The following CUL4B variants were observed in gnomAD, a reference collection of about 807,000 sequenced individuals.
CUL4B encodes the protein cullin-4B.
A neutral mutation model predicts 69.2 loss-of-function variants in CUL4B; 1 was observed. The observed-to-expected ratio is 0.01, with a 90% CI of 0.01 to 0.07. The LOEUF is 0.07. Among genes scored for constraint, CUL4B ranks in the 10% least tolerant of loss-of-function variants. The pLI, the probability that CUL4B is intolerant of heterozygous loss-of-function variation, is 1.00. For synonymous variants in CUL4B, 237 were observed against 223.2 expected (o/e 1.06, Z -0.55); for missense variants, 328 against 638.8 (o/e 0.51, Z 5.24).
At chrX:120,561,086 T>A (rs1925273704), upstream of CUL4B, 1 of 1,005,607 alleles carries the variant, frequency 9.9e-7, no homozygotes, top group Admixed American at 4.7e-5. Flanking sequence ...AGGCTAAAGA[T>A]GGCGCCATTT....
At chrX:120,537,486 G>A (rs1438194557) in intron 14 of CUL4B, among the ~76,000 whole-genome samples, 5 of 110,631 alleles carry the variant, frequency 4.5e-5, no homozygotes. Context: ...CTGGAGTAGG[G>A]AAGGAAAAAG....
intron 14 of CUL4B, among the ~76,000 whole-genome samples, chrX:120,537,860 C>T (rs950463212): frequency 9.0e-6 from 1 of 111,674 alleles, no homozygotes; most frequent in Non-Finnish European, 1.9e-5. Context: ...GCCCTTTTCC[C>T]ACTATAGCTC....
At chrX:120,528,548 CCGTCT>C (rs1569385840) in intron 19 of CUL4B, among the ~76,000 whole-genome samples, 1 of 110,400 alleles carries the variant, frequency 9.1e-6, no homozygotes, top group East Asian at 2.8e-4. Context: ...TGGTAAAACC[CCGTCT>C]CTACTAAAAA....
intron 1 of CUL4B, chrX:120,574,685 T>G: frequency 1.1e-6 from 1 of 884,490 alleles, no homozygotes; most frequent in Non-Finnish European, 1.7e-6. Context: ...CATATCTGTA[T>G]AGTGTTATGA....
At chrX:120,561,234 G>A (rs1027272136), upstream of CUL4B, 2 of 500,446 alleles carry the variant, frequency 4.0e-6, no homozygotes, top group Admixed American at 3.1e-5. Context: ...TGCCCCAGAC[G>A]CTCGCGCTAG....
rs1190360381 is a variant in CUL4B at position 120,525,914 on chromosome X, G to A, written c.*847C>T. On this transcript the variant is annotated 3_prime_UTR_variant, in exon 20 of 20. Coordinates refer to ENST00000371322, the MANE Select transcript of CUL4B (RefSeq NM_001079872.2). ...GCTCCTGTAACAATTTACAAAACAC[G>A]TTCATTTTGGTCTCTTTTGCAATTT... is the stretch of plus-strand genomic sequence containing the variant. 2 of 111,600 alleles carry A rather than the reference G, an allele frequency of 1.8e-5. No homozygotes were observed. The highest frequency in any genetic ancestry group is 6.5e-5 in the African/African-American group (2 of 30,781). The allele number at this position is 111,600 out of a possible 1,213,427, so 9.2% of individuals were successfully genotyped here. A position where few individuals can be genotyped will look rare whatever the true frequency, so the allele number is the denominator to read the frequency against.
chrX:120,554,783 G>C (rs979176754), intron 2 of CUL4B, among the ~76,000 whole-genome samples: 2 of 112,100 alleles, frequency 1.8e-5, no homozygotes, highest in Admixed American at 9.5e-5. Flanking sequence ...TTCAATTTTA[G>C]AAGAGTACTT....
At chrX:120,569,921 C>T (rs1405058300), downstream of CUL4B, among the ~76,000 whole-genome samples, 1 of 111,345 alleles carries the variant, frequency 9.0e-6, no homozygotes, top group African/African-American at 3.3e-5. Flanking sequence ...ATAGGAAGCA[C>T]ATTTAAATCC....
chrX:120,548,517 T>C (rs1351060432), intron 2 of CUL4B, among the ~76,000 whole-genome samples: 1 of 111,296 alleles, frequency 9.0e-6, no homozygotes, highest in East Asian at 2.8e-4. Context: ...AACATTTCAG[T>C]TTAAGAATAG....
At chrX:120,546,926 A>G (rs1463399430) in intron 3 of CUL4B, among the ~76,000 whole-genome samples, 1 of 112,115 alleles carries the variant, frequency 8.9e-6, no homozygotes, top group African/African-American at 3.2e-5. Flanking sequence ...AGACATAAGG[A>G]CATCTTATTT....
At chrX:120,562,810 A>G (rs1224933050), upstream of CUL4B, among the ~76,000 whole-genome samples, 1 of 111,782 alleles carries the variant, frequency 8.9e-6, no homozygotes, top group Non-Finnish European at 1.9e-5. Context: ...GGAGTAAGGA[A>G]GATGAGGCTC....
downstream of CUL4B, among the ~76,000 whole-genome samples, chrX:120,567,133 T>G (rs991721704): frequency 6.1e-5 from 6 of 97,848 alleles, no homozygotes; most frequent in Admixed American, 6.6e-4. Context: ...TTTTTTTTTT[T>G]TTTTTTTTGA....
chrX:120,531,695 G>C (rs906458614), intron 18 of CUL4B, among the ~76,000 whole-genome samples: 4 of 110,947 alleles, frequency 3.6e-5, no homozygotes, highest in African/African-American at 1.3e-4. Flanking sequence ...CCTGACCTCA[G>C]GTGATCTGCC....
chrX:120,540,593 A>T, intron 10 of CUL4B, 31 bp from the exon 11 acceptor site: 3 of 1,021,341 alleles, frequency 2.9e-6, no homozygotes, highest in Non-Finnish European at 4.1e-6. Flanking sequence ...TTTTTACTGT[A>T]ATCGAATTGT....
At chrX:120,557,122 G>A (rs1456018793) in intron 2 of CUL4B, among the ~76,000 whole-genome samples, 2 of 110,543 alleles carry the variant, frequency 1.8e-5, no homozygotes, top group Non-Finnish European at 3.8e-5. Context: ...TGTTGGTCAG[G>A]CTGGTCTCGA....
intron 19 of CUL4B, 42 bp from the exon 20 acceptor site, chrX:120,526,898 T>C: frequency 2.3e-6 from 2 of 856,854 alleles, no homozygotes; most frequent in African/African-American, 2.0e-5. Flanking sequence ...TTCATTATCA[T>C]TGGCTCAAGC....
upstream of CUL4B, chrX:120,561,346 G>A: frequency 1.8e-6 from 1 of 565,529 alleles, no homozygotes; most frequent in Non-Finnish European, 3.3e-6. Flanking sequence ...GGTCCCGCGG[G>A]AAGCTTCGCG....
At chrX:120,572,549 C>T (rs189679202) in intron 2 of CUL4B, among the ~76,000 whole-genome samples, 1 of 110,048 alleles carries the variant, frequency 9.1e-6, no homozygotes, top group East Asian at 2.8e-4. Flanking sequence ...AATCTCCACT[C>T]AGTCCCTGTT....
In CUL4B at chrX:120,560,132, A is replaced by G. The variant is rs779141130; in HGVS notation, c.507T>C (p.Ala169=). ...TCTTAGCAGAGCCAGGTTTGCTGTT[A>G]GCAAAGCTAGAGACGGTGGTAGAAG... ...AKSSTTVSSF[A]NSKPGSAKKL... Residue 169 remains alanine (A), a synonymous_variant, in exon 1 of 20, where the codon GCT becomes GCC. Coordinates refer to ENST00000371322, the MANE Select transcript of CUL4B (RefSeq NM_001079872.2). The G allele has an allele frequency of 1.1e-5, 13 of 1,212,148 alleles. No homozygotes were observed. The East Asian group carries it at 3.8e-4, about 36-fold the overall frequency.
Sources: allele counts gnomAD v4.1 joint callset (sites outside exome capture counted in the v4.1 genomes callset), GRCh38; gene constraint gnomAD v4.1.1; transcripts MANE v1.5; gene names NCBI Gene and HGNC (gene_info 2026-07-23, HGNC 2026-07-21).